The following KCND2 variants were observed in gnomAD, a reference collection of about 807,000 sequenced individuals.
KCND2 encodes potassium voltage-gated channel subfamily D member 2, also known as A-type voltage-gated potassium channel KCND2.
KCND2 carries 16 observed loss-of-function variants against 54.4 expected under a neutral mutation model. That is an observed-to-expected ratio of 0.29 (90% CI 0.20 to 0.45). KCND2 has a LOEUF of 0.45. KCND2 is among the 20% of genes least tolerant of loss of function. The pLI is 1.00. For synonymous variants in KCND2, 317 were observed against 310.7 expected, an observed-to-expected ratio of 1.02 and a Z score of -0.21; for missense variants, 486 against 824.2, an observed-to-expected ratio of 0.59 and a Z score of 5.02.
intron 1 of KCND2, among the ~76,000 whole-genome samples, chr7:120,546,760 A>G (rs1584822292): frequency 6.6e-6 from 1 of 152,072 alleles, no homozygotes; most frequent in Non-Finnish European, 1.5e-5. Context: ...AATTATAATT[A>G]TCTACATGGC....
chr7:120,746,266 A>C (rs1420349533), intron 5 of KCND2, among the ~76,000 whole-genome samples: 2 of 152,204 alleles, frequency 1.3e-5, no homozygotes, highest in Non-Finnish European at 2.9e-5. Flanking sequence ...TTGAGTGCAC[A>C]CAAATGTGTT....
chr7:120,744,005 A>T (rs1394477409), intron 4 of KCND2, among the ~76,000 whole-genome samples: 2 of 152,332 alleles, frequency 1.3e-5, no homozygotes, highest in Non-Finnish European at 2.9e-5. Flanking sequence ...CACGTCTGTA[A>T]TCCCAGCACT....
intron 1 of KCND2, among the ~76,000 whole-genome samples, chr7:120,705,074 G>A (rs1157288747): frequency 2.6e-5 from 4 of 152,088 alleles, no homozygotes; most frequent in African/African-American, 4.8e-5. Flanking sequence ...GAGTTTACCA[G>A]AAGCAAATAG....
intron 1 of KCND2, among the ~76,000 whole-genome samples, chr7:120,435,983 C>CT (rs1801860863): frequency 6.6e-6 from 1 of 152,018 alleles, no homozygotes; most frequent in Non-Finnish European, 1.5e-5. Flanking sequence ...AGAAATTGGT[C>CT]TAAGAGTAGA....
At chr7:120,298,364 A>C (rs1799540205) in intron 1 of KCND2, among the ~76,000 whole-genome samples, 1 of 152,144 alleles carries the variant, frequency 6.6e-6, no homozygotes, top group African/African-American at 2.4e-5. Flanking sequence ...ACTATAGTAG[A>C]TTTTCACATT....
chr7:120,454,068 A>G (rs1242268884), intron 1 of KCND2, among the ~76,000 whole-genome samples: 1 of 152,250 alleles, frequency 6.6e-6, no homozygotes. Flanking sequence ...TGGGTGACAG[A>G]GCGAGACTCC....
intron 1 of KCND2, among the ~76,000 whole-genome samples, chr7:120,533,425 C>T (rs556046965): frequency 6.6e-6 from 1 of 152,160 alleles, no homozygotes; most frequent in South Asian, 2.1e-4. Context: ...TGATCTGGCA[C>T]TAGGCTAAGG....
At chr7:120,507,568 C>T (rs751520865) in intron 1 of KCND2, among the ~76,000 whole-genome samples, 2 of 151,804 alleles carry the variant, frequency 1.3e-5, no homozygotes, top group African/African-American at 2.4e-5. Flanking sequence ...CTTCCTCCTT[C>T]GTCTTGGTTG....
chr7:120,691,304 G>A (rs1792265558), intron 1 of KCND2, among the ~76,000 whole-genome samples: 1 of 152,194 alleles, frequency 6.6e-6, no homozygotes. Flanking sequence ...GGAGAGACAA[G>A]GCAGAAGCAG....
At chr7:120,535,607 T>A (rs957902369) in intron 1 of KCND2, among the ~76,000 whole-genome samples, 2 of 152,198 alleles carry the variant, frequency 1.3e-5, no homozygotes, top group African/African-American at 2.4e-5. Context: ...TGCTGTGCTG[T>A]CATGCACTGC....
intron 1 of KCND2, among the ~76,000 whole-genome samples, chr7:120,716,496 T>C (rs1183247092): frequency 6.6e-6 from 1 of 152,122 alleles, no homozygotes; most frequent in Non-Finnish European, 1.5e-5. Context: ...TTTAGTGGTT[T>C]GTCTGCTAAG....
intron 1 of KCND2, among the ~76,000 whole-genome samples, chr7:120,469,829 A>G (rs1802428435): frequency 6.6e-6 from 1 of 152,152 alleles, no homozygotes; most frequent in Admixed American, 6.6e-5. Context: ...ACTGCATGAT[A>G]CTAGTGTCAG....
rs530656754 is a variant in KCND2, at chr7:120,354,855, A to G, written c.1115+79108A>G. 1.2e-4 allele frequency among the ~76,000 whole-genome samples: 19 copies of G among 152,350 alleles called. No individual in the cohort carries two copies. In the South Asian group the frequency reaches 3.5e-3, roughly 28 times the overall value. ...ATTAAAAATTATCAAAAGAAAACCCATAACATTGTATATATGAGATACATT... is the reference window on the plus strand; with the variant it reads ...ATTAAAAATTATCAAAAGAAAACCCGTAACATTGTATATATGAGATACATT... On this transcript the variant is annotated intron_variant, in intron 1 of 5. Coordinates refer to ENST00000331113, the MANE Select transcript of KCND2 (RefSeq NM_012281.3).
At chr7:120,317,224 G>C (rs1022560991) in intron 1 of KCND2, among the ~76,000 whole-genome samples, 2 of 152,014 alleles carry the variant, frequency 1.3e-5, no homozygotes, top group Non-Finnish European at 2.9e-5. Flanking sequence ...TCAATAAACT[G>C]TTAGGAACAC....
chr7:120,454,741 TA>T (rs1357797419), intron 1 of KCND2, among the ~76,000 whole-genome samples: 4 of 152,294 alleles, frequency 2.6e-5, no homozygotes, highest in Non-Finnish European at 5.9e-5. Context: ...AAAGTCATCC[TA>T]TCTCTATTAT....
chr7:120,353,140 T>A (rs998492532), intron 1 of KCND2, among the ~76,000 whole-genome samples: 41 of 141,978 alleles, frequency 2.9e-4, no homozygotes, highest in South Asian at 4.5e-4. Flanking sequence ...TTACTTTTTT[T>A]TTTTTTTTTT....
intron 1 of KCND2, among the ~76,000 whole-genome samples, chr7:120,523,636 A>T (rs1791729193): frequency 6.7e-6 from 1 of 148,658 alleles, no homozygotes; most frequent in Non-Finnish European, 1.5e-5. Context: ...TATAGTATGT[A>T]TATACAATAC....
chr7:120,639,890 T>C (rs1032891335), intron 1 of KCND2, among the ~76,000 whole-genome samples: 3 of 152,088 alleles, frequency 2.0e-5, no homozygotes, highest in African/African-American at 7.2e-5. Context: ...GAATATCCCA[T>C]TGTACATTTT....
At position 120,716,431 on chromosome 7, in the gene KCND2, G is replaced by C. The variant is rs558030441; in HGVS notation, c.1116-16472G>C. Among the ~76,000 whole-genome samples the C allele has an allele frequency of 3.9e-5, 6 of 152,114 alleles. No individual in the cohort carries two copies. In the South Asian group the frequency reaches 1.2e-3, roughly 32 times the overall value. On this transcript the variant is annotated intron_variant, in intron 1 of 5. Transcript: ENST00000331113. ...ATAAATGCATATTGACATGCCCACT[G>C]TAGGCTTGTGCGGAAAGGAGAATTA...
Sources: gnomAD v4.1 joint callset for allele counts (sites outside exome capture counted in the v4.1 genomes callset) on GRCh38, gnomAD v4.1.1 for gene constraint, MANE v1.5 for transcripts, NCBI Gene and HGNC (gene_info 2026-07-23, HGNC 2026-07-21) for gene names.